ACSBG2: variants seen among roughly 807,000 people sequenced by gnomAD.
ACSBG2 encodes long-chain-fatty-acid--CoA ligase ACSBG2.
Under a neutral mutation model 74.7 loss-of-function variants are expected in ACSBG2, and 62 were observed. That is an observed-to-expected ratio of 0.83 (90% CI 0.68 to 1.03). The LOEUF (loss-of-function observed/expected upper bound fraction) is 1.03, where lower values mean the gene tolerates loss of function less well. ACSBG2 is among the 50% of genes least tolerant of loss of function. ACSBG2 has a pLI of 0.00. For missense variants in ACSBG2, 730 were observed against 817.6 expected, an observed-to-expected ratio of 0.89 and a Z score of 1.31; for synonymous variants, 309 against 294.1, an observed-to-expected ratio of 1.05 and a Z score of -0.52.
chr19:6,173,175 G>C (rs1011569430), intron 7 of ACSBG2, among the ~76,000 whole-genome samples: 9 of 152,180 alleles, frequency 5.9e-5, no homozygotes, highest in Non-Finnish European at 1.2e-4. Flanking sequence ...CCAAGGGTTA[G>C]ATCTTCAGGG....
intron 6 of ACSBG2, chr19:6,161,519 A>C: frequency 4.3e-6 from 2 of 463,016 alleles, no homozygotes; most frequent in Non-Finnish European, 4.0e-6. Context: ...AGGACGTGAA[A>C]TGTGAGCAGA....
intron 3 of ACSBG2, among the ~76,000 whole-genome samples, chr19:6,149,539 A>C: frequency 2.2e-5 from 3 of 134,442 alleles, no homozygotes; most frequent in Non-Finnish European, 1.5e-5. Context: ...ACAGAGTCTC[A>C]CTCTGTTGCC....
chr19:6,166,839 A>G (rs2089824951), intron 7 of ACSBG2, among the ~76,000 whole-genome samples: 1 of 151,868 alleles, frequency 6.6e-6, no homozygotes, highest in South Asian at 2.1e-4. Context: ...GAGTTTCACC[A>G]CGTTGACCAG....
intron 1 of ACSBG2, among the ~76,000 whole-genome samples, chr19:6,141,271 A>T (rs2088819297): frequency 6.6e-6 from 1 of 152,096 alleles, no homozygotes; most frequent in Non-Finnish European, 1.5e-5. Context: ...ATAGACCCAG[A>T]CTTTATATTC....
chr19:6,154,434 A>AGAGAGAG (rs1568226772), intron 4 of ACSBG2, among the ~76,000 whole-genome samples: 12 of 38,148 alleles, frequency 3.1e-4, no homozygotes, highest in Admixed American at 1.0e-3. Context: ...GAGAGAGAGA[A>AGAGAGAG]AATTATTATT....
At position 6,141,482 on chromosome 19, in the gene ACSBG2, C is replaced by T. The variant is rs1469479223; in HGVS notation, c.-31-31C>T. 4.4e-6 allele frequency: 5 copies of T among 1,130,490 alleles called. No homozygotes were observed. The East Asian group carries it at 9.4e-5, about 21-fold the overall frequency. 70.0% of individuals were successfully genotyped at this position (1,130,490 alleles called of 1,614,324 possible). On this transcript the variant is annotated intron_variant, in intron 1 of 14. Coordinates refer to ENST00000588485, the MANE Select transcript of ACSBG2 (RefSeq NM_030924.5). The stretch of plus-strand genomic sequence containing the variant: ...CATCCCTACAGCCCCTTTGCCAATC[C>T]TGTTAAACTCCCTGCTTTTTTGCTT...
chr19:6,184,843 A>G, intron 10 of ACSBG2, among the ~76,000 whole-genome samples: 1 of 107,936 alleles, frequency 9.3e-6, no homozygotes, highest in African/African-American at 5.0e-5. Context: ...AAAAAAAAAA[A>G]AAAAAAAAAA....
intron 1 of ACSBG2, chr19:6,137,270 G>A (rs1036687281): frequency 2.0e-5 from 3 of 150,340 alleles, no homozygotes; most frequent in Non-Finnish European, 4.4e-5. Flanking sequence ...GCAATATAGC[G>A]AGGCCCCCAG....
rs956873801 is a variant in ACSBG2, at chr19:6,174,843, T to C, written c.739-2386T>C. ...CATCTTTACAGCAAGAAGTTAAAGG[T>C]AGCCTTAGATTCTTGCCAGATGTCT... On this transcript the variant is annotated intron_variant, in intron 7 of 14. Coordinates refer to ENST00000588485, the MANE Select transcript of ACSBG2 (RefSeq NM_030924.5). The surrounding 1 kb of genome is among the most constrained non-coding windows in gnomAD (Gnocchi z 4.2). Among the ~76,000 whole-genome samples, 2 of 152,124 alleles carry C rather than the reference T, an allele frequency of 1.3e-5. No individual in the cohort carries two copies. The highest frequency in any genetic ancestry group is 2.4e-5 in the African/African-American group (1 of 41,418).
chr19:6,190,812 T>TGCACAC, intron 14 of ACSBG2, 120 bp downstream of exon 14: 1 of 335,284 alleles, frequency 3.0e-6, no homozygotes, highest in South Asian at 2.9e-5. Context: ...CACACATACA[T>TGCACAC]ACACACACAC....
chr19:6,166,160 C>G, intron 7 of ACSBG2, 145 bp downstream of exon 7: 1 of 1,027,060 alleles, frequency 9.7e-7, no homozygotes, highest in Non-Finnish European at 1.4e-6. Flanking sequence ...AGTTGCTTCA[C>G]TAGGGGGCAG....
At chr19:6,157,773 C>G (rs2089472952) in intron 5 of ACSBG2, among the ~76,000 whole-genome samples, 1 of 152,038 alleles carries the variant, frequency 6.6e-6, no homozygotes, top group Non-Finnish European at 1.5e-5. Flanking sequence ...TTATATACAT[C>G]CCACTGCTAA....
At chr19:6,183,613 C>G (rs1469071494) in intron 10 of ACSBG2, among the ~76,000 whole-genome samples, 2 of 152,156 alleles carry the variant, frequency 1.3e-5, no homozygotes, top group African/African-American at 4.8e-5. Flanking sequence ...CTGGCTTTCT[C>G]CCAAGCTCAG....
At chr19:6,169,210 G>C (rs1431765942) in intron 7 of ACSBG2, among the ~76,000 whole-genome samples, 2 of 152,182 alleles carry the variant, frequency 1.3e-5, no homozygotes, top group Non-Finnish European at 2.9e-5. Flanking sequence ...TGGTTTTGTT[G>C]TATTTGTTTT....
intron 4 of ACSBG2, among the ~76,000 whole-genome samples, chr19:6,153,960 G>C (rs2089326667): frequency 6.6e-6 from 1 of 151,402 alleles, no homozygotes; most frequent in Non-Finnish European, 1.5e-5. Flanking sequence ...AGAAAAGAGA[G>C]AGAAAAAAAT....
intron 13 of ACSBG2, among the ~76,000 whole-genome samples, chr19:6,188,516 C>G (rs1221331227): frequency 6.6e-6 from 1 of 152,120 alleles, no homozygotes; most frequent in Non-Finnish European, 1.5e-5. Flanking sequence ...TAGCGGTGCC[C>G]AGCTACTCAG....
At chr19:6,187,974 C>A in intron 13 of ACSBG2, 129 bp downstream of exon 13, 1 of 1,380,964 alleles carries the variant, frequency 7.2e-7, no homozygotes. Flanking sequence ...GAGAGGGAGG[C>A]TGCCACCTTC....
In ACSBG2 at chr19:6,187,789, G is replaced by A. The variant is rs17856650; in HGVS notation, c.1871G>A (p.Arg624Lys). 73,418 of 1,614,014 alleles carry A rather than the reference G, an allele frequency of 0.045. 2,839 individuals carry two copies. The highest frequency in any genetic ancestry group is 0.2 in the African/African-American group (14,947 of 74,896). ...CAGGAAGCCATGAACAATGCACAGA[G>A]GATTGAAAAGTGGGTCATCTTGGAG... is the stretch of plus-strand genomic sequence containing the variant. ...VNQEAMNNAQ[R>K]IEKWVILEKD... is the part of the protein sequence containing the mutation. Residue 624 changes from arginine (R) to lysine (K), a missense_variant, in exon 13 of 15, where the codon AGG becomes AAG. By Grantham distance (26) the Arg-to-Lys change is conservative (BLOSUM62 2). Coordinates refer to ENST00000588485, the MANE Select transcript of ACSBG2 (RefSeq NM_030924.5).
chr19:6,165,288 G>C (rs2089758631), intron 6 of ACSBG2, among the ~76,000 whole-genome samples: 2 of 152,176 alleles, frequency 1.3e-5, no homozygotes, highest in Admixed American at 6.5e-5. Context: ...CACATACACA[G>C]TCTGTGTCTC....
Sources: allele counts gnomAD v4.1 joint callset (sites outside exome capture counted in the v4.1 genomes callset), GRCh38; gene constraint gnomAD v4.1.1; non-coding constraint Gnocchi (gnomAD v3.1); transcripts MANE v1.5; gene names NCBI Gene and HGNC (gene_info 2026-07-23, HGNC 2026-07-21).